NDRG4: variants seen among roughly 807,000 people sequenced by gnomAD.
NDRG4 encodes NDRG family member 4, also known as protein NDRG4.
NDRG4 carries 38 observed loss-of-function variants against 55.8 expected under a neutral mutation model. The ratio of observed to expected loss-of-function variants is 0.68; its 90% CI spans 0.53 to 0.89. The LOEUF (loss-of-function observed/expected upper bound fraction) is 0.89, where lower values mean the gene tolerates loss of function less well. NDRG4 is among the 40% of genes least tolerant of loss of function. The pLI is 0.00. For synonymous variants in NDRG4, 190 were observed against 182.7 expected (o/e 1.04, Z -0.32); for missense variants, 455 against 468.6 (o/e 0.97, Z 0.27).
chr16:58,498,335 TGTCA>T (rs1002334259), upstream of NDRG4, among the ~76,000 whole-genome samples: 1 of 152,132 alleles, frequency 6.6e-6, no homozygotes, highest in African/African-American at 2.4e-5. Flanking sequence ...GCACAGGGCC[TGTCA>T]GTCTTCCCTA....
At chr16:58,504,072 C>T in intron 2 of NDRG4, 82 bp from the exon 3 acceptor site, 1 of 1,599,306 alleles carries the variant, frequency 6.3e-7, no homozygotes, top group Non-Finnish European at 8.5e-7. Context: ...ACACTTCTGC[C>T]TTGCCTGCCC....
chr16:58,503,414 G>A (rs2037419855), intron 1 of NDRG4, among the ~76,000 whole-genome samples: 2 of 152,170 alleles, frequency 1.3e-5, no homozygotes, highest in Non-Finnish European at 2.9e-5. Context: ...AGCAGGAAGT[G>A]CCTGAGAGTT....
At chr16:58,485,241 C>T (rs1195957757) in intron 1 of NDRG4, among the ~76,000 whole-genome samples, 2 of 152,142 alleles carry the variant, frequency 1.3e-5, no homozygotes, top group Non-Finnish European at 1.5e-5. Flanking sequence ...TCTGCTCTGG[C>T]GTCTTTCTTG....
chr16:58,500,248 G>T lies in NDRG4; in HGVS notation c.-1G>T. 1.3e-6 allele frequency: 2 copies of T among 1,536,054 alleles called. No individual in the cohort carries two copies. The highest frequency in any genetic ancestry group is 1.7e-6 in the Non-Finnish European group (2 of 1,146,878). ...AGAGGCGGGTTCCCTCCCTCGGCAA[G>T]ATGCCGGAGTGCTGGGATGGGGTGA... On this transcript the variant is annotated 5_prime_UTR_variant, in exon 1 of 15. Transcript: ENST00000570248.
In NDRG4 at chr16:58,470,906, CCA is replaced by C. The variant is rs1491154829; in HGVS notation, c.-24+7110_-24+7111del. 1.0e-2 allele frequency among the ~76,000 whole-genome samples: 794 copies of C among 79,724 alleles called. 13 individuals carry two copies. Among genetic ancestry groups the C allele is most frequent in the African/African-American group, 0.046 (750 of 16,262 alleles). 52.3% of individuals were successfully genotyped at this position (79,724 alleles called of 152,430 possible). A position where few individuals can be genotyped will look rare whatever the true frequency, so the allele number is the denominator to read the frequency against. ...TGAGCAACAGAGCAAGACACCATCT[CCA>C]AAAAAAAAAAAAAAAAAAAGAGGGA... On this transcript the variant is annotated intron_variant, in intron 1 of 15. Coordinates refer to the NDRG4 transcript ENST00000258187.
chr16:58,490,788 C>A (rs1235837992), intron 2 of NDRG4, among the ~76,000 whole-genome samples: 2 of 152,120 alleles, frequency 1.3e-5, no homozygotes, highest in African/African-American at 2.4e-5. Context: ...ACCAGCCTGG[C>A]CAACATGGCG....
chr16:58,463,774 G>T (rs1219962111), exon 1 of NDRG4: 2 of 150,970 alleles, frequency 1.3e-5, no homozygotes, highest in Admixed American at 6.6e-5. Context: ...CCGCCTGCGC[G>T]TCTGTCTCGT....
At chr16:58,470,351 A>C (rs550667251) in intron 1 of NDRG4, among the ~76,000 whole-genome samples, 23 of 152,294 alleles carry the variant, frequency 1.5e-4, no homozygotes, top group African/African-American at 4.8e-4. Flanking sequence ...TTCAAGGTGG[A>C]TGTGAAGTTG....
chr16:58,495,754 C>T (rs905766544), upstream of NDRG4, among the ~76,000 whole-genome samples: 4 of 152,216 alleles, frequency 2.6e-5, no homozygotes, highest in African/African-American at 4.8e-5. Context: ...GCTGGTCCCT[C>T]GGTCACGCGC....
rs762839953 is a variant in NDRG4, at chr16:58,506,622, G to T, written c.516+8G>T. On this transcript the variant is annotated splice_region_variant and intron_variant, in intron 7 of 14. Coordinates refer to ENST00000570248, the MANE Select transcript of NDRG4 (RefSeq NM_001242835.2). ...TCCCACCTCTTCAGCCAGGTAAGGG[G>T]GGGAACTTCTGCAGATCTGGGGTGA... 1 of 1,551,664 alleles carries T rather than the reference G, an allele frequency of 6.4e-7. No individual in the cohort carries two copies. The highest frequency in any genetic ancestry group is 8.7e-7 in the Non-Finnish European group (1 of 1,149,686).
At chr16:58,498,750 CAGT>C (rs1367545052), upstream of NDRG4, among the ~76,000 whole-genome samples, 15 of 152,242 alleles carry the variant, frequency 9.9e-5, no homozygotes, top group African/African-American at 3.1e-4. Context: ...AGAAATGGGG[CAGT>C]CTGTGTGCCT....
chr16:58,501,195 G>A, intron 1 of NDRG4: 3 of 595,130 alleles, frequency 5.0e-6, no homozygotes, highest in Non-Finnish European at 7.4e-6. Flanking sequence ...CGCACGCACG[G>A]AGGTGACGAC....
intron 1 of NDRG4, chr16:58,502,130 C>T (rs1008915631): frequency 8.1e-5 from 34 of 421,586 alleles, no homozygotes; most frequent in African/African-American, 6.7e-4. Flanking sequence ...GCCCTCCCTA[C>T]TCTGGGATTG....
intron 1 of NDRG4, among the ~76,000 whole-genome samples, chr16:58,467,483 C>T (rs997016553): frequency 1.2e-4 from 18 of 152,022 alleles, no homozygotes; most frequent in East Asian, 3.9e-4. Context: ...GTCCAGCCTA[C>T]GCAACAGAGC....
At chr16:58,492,976 CA>C (rs2035977205) in intron 2 of NDRG4, among the ~76,000 whole-genome samples, 1 of 152,074 alleles carries the variant, frequency 6.6e-6, no homozygotes, top group Non-Finnish European at 1.5e-5. Context: ...TGGGTGTGGC[CA>C]TTCTCTATGT....
At chr16:58,506,361 C>T (rs200173049) in intron 5 of NDRG4, 26 bp from the exon 6 acceptor site, 394 of 1,610,198 alleles carry the variant, frequency 2.4e-4, no homozygotes, top group Non-Finnish European at 3.2e-4. Flanking sequence ...TGGCCCCGCC[C>T]GGCCCTGTTT....
Position 58,505,259 on chromosome 16 carries a change from G to C in NDRG4, c.372+610G>C, listed in dbSNP as rs367716517. On this transcript the variant is annotated intron_variant, in intron 5 of 14. Transcript: ENST00000570248. ...AGCTACTCGGGAGGCTGAGGCAGGA[G>C]AAAGGCGTGAACCCGGGAGGCGGAG... is the stretch of plus-strand genomic sequence containing the variant. 6.6e-5 allele frequency among the ~76,000 whole-genome samples: 10 copies of C among 152,024 alleles called. No homozygotes were observed. In the East Asian group the frequency reaches 1.4e-3, roughly 21 times the overall value.
At position 58,506,576 on chromosome 16, in the gene NDRG4, A is replaced by G; in HGVS notation, c.478A>G (p.Thr160Ala). ...AATKLSGLTSTLPDTVLSHLF... is the reference protein window; with the variant it reads ...AATKLSGLTSALPDTVLSHLF... ...CCTGCAGCTCTCCGGCCTAACTAGC[A>G]CTTTACCCGACACGGTGCTCTCCCA... Residue 160 changes from threonine to alanine, a missense_variant, in exon 7 of 15, where the codon ACT becomes GCT. By Grantham distance (58) the Thr-to-Ala change is moderately conservative. Coordinates refer to ENST00000570248, the MANE Select transcript of NDRG4 (RefSeq NM_001242835.2). The G allele has an allele frequency of 1.3e-6, 2 of 1,583,120 alleles. No homozygotes were observed.
intron 8 of NDRG4, 183 bp from the exon 9 acceptor site, chr16:58,507,625 T>G: frequency 1.7e-6 from 1 of 601,544 alleles, no homozygotes; most frequent in South Asian, 2.2e-5. Context: ...GAGAGCAAAA[T>G]TTGAGAGCCC....
Sources: allele counts gnomAD v4.1 joint callset (sites outside exome capture counted in the v4.1 genomes callset), GRCh38; gene constraint gnomAD v4.1.1; transcripts MANE v1.5; gene names NCBI Gene and HGNC (gene_info 2026-07-23, HGNC 2026-07-21).